Variants in CTNNA2 observed in about 807,000 individuals in gnomAD.
CTNNA2 encodes the protein catenin alpha-2.
Under a neutral mutation model 101.0 loss-of-function variants are expected in CTNNA2, and 42 were observed. That is an observed-to-expected ratio of 0.42 (90% CI 0.32 to 0.54). The LOEUF (loss-of-function observed/expected upper bound fraction) is 0.54. Among genes scored for constraint, CTNNA2 ranks in the 20% least tolerant of loss-of-function variants. The pLI, the probability that CTNNA2 is intolerant of heterozygous loss-of-function variation, is 0.14. For synonymous variants in CTNNA2, 450 were observed against 456.4 expected (o/e 0.99, Z 0.18); for missense variants, 871 against 1,223.1 (o/e 0.71, Z 4.29).
At chr2:80,328,813 AT>A (rs1333905920) in intron 7 of CTNNA2, among the ~76,000 whole-genome samples, 1 of 152,130 alleles carries the variant, frequency 6.6e-6, no homozygotes, top group African/African-American at 2.4e-5. Flanking sequence ...GATGGTATGT[AT>A]TTTTTTATTT....
At chr2:79,278,166 G>C (rs1389097938) in intron 2 of CTNNA2, among the ~76,000 whole-genome samples, 5 of 152,116 alleles carry the variant, frequency 3.3e-5, no homozygotes, top group East Asian at 1.9e-4. Flanking sequence ...CTGCAAAGCA[G>C]CTGGCGTGGA....
intron 9 of CTNNA2, among the ~76,000 whole-genome samples, chr2:80,491,682 G>A (rs1687074702): frequency 6.6e-6 from 1 of 152,056 alleles, no homozygotes; most frequent in Non-Finnish European, 1.5e-5. Context: ...AATTTGCCTG[G>A]GAGAGTTCTG....
At chr2:80,234,527 G>A (rs558468373) in intron 7 of CTNNA2, among the ~76,000 whole-genome samples, 78 of 152,274 alleles carry the variant, frequency 5.1e-4, no homozygotes, top group Non-Finnish European at 7.8e-4. Flanking sequence ...CAAAGGTAAA[G>A]CAGGGATCTT....
chr2:79,391,780 T>A (rs1479847070), intron 4 of CTNNA2, among the ~76,000 whole-genome samples: 2 of 152,180 alleles, frequency 1.3e-5, no homozygotes, highest in East Asian at 3.9e-4. Flanking sequence ...TTGCCAGGGC[T>A]GCCATACAAA....
chr2:79,774,738 C>A (rs1673838734), intron 3 of CTNNA2, among the ~76,000 whole-genome samples: 2 of 151,990 alleles, frequency 1.3e-5, no homozygotes, highest in Non-Finnish European at 2.9e-5. Context: ...TGAAATGAGC[C>A]CCCAAAAGCA....
chr2:80,633,508 G>C (rs1332544483), intron 18 of CTNNA2, among the ~76,000 whole-genome samples: 1 of 152,144 alleles, frequency 6.6e-6, no homozygotes, highest in Non-Finnish European at 1.5e-5. Flanking sequence ...CTTGTGAACA[G>C]TTAAAACACA....
intron 3 of CTNNA2, among the ~76,000 whole-genome samples, chr2:79,761,820 A>T (rs1429559622): frequency 6.6e-6 from 1 of 152,236 alleles, no homozygotes; most frequent in Non-Finnish European, 1.5e-5. Flanking sequence ...ATGATTAAAA[A>T]TATTGATCTG....
intron 2 of CTNNA2, among the ~76,000 whole-genome samples, chr2:79,264,190 A>T (rs1045420791): frequency 1.1e-4 from 16 of 152,120 alleles, no homozygotes; most frequent in African/African-American, 3.9e-4. Context: ...CCTGGTTTTA[A>T]AAGGCCTCCT....
At chr2:79,221,632 C>CT (rs1269657878) in intron 2 of CTNNA2, among the ~76,000 whole-genome samples, 1 of 151,560 alleles carries the variant, frequency 6.6e-6, no homozygotes, top group Non-Finnish European at 1.5e-5. Flanking sequence ...ACTGACAAGT[C>CT]TGTATTGTCT....
chr2:79,939,856 G>T (rs576216420), intron 7 of CTNNA2, among the ~76,000 whole-genome samples: 1 of 152,052 alleles, frequency 6.6e-6, no homozygotes, highest in Non-Finnish European at 1.5e-5. Flanking sequence ...ACTTTGGGAG[G>T]CCGAGGTGGG....
intron 2 of CTNNA2, among the ~76,000 whole-genome samples, chr2:79,292,546 C>G (rs778429338): frequency 2.0e-5 from 3 of 151,156 alleles, no homozygotes; most frequent in Non-Finnish European, 4.4e-5. Context: ...TTTAGAATTT[C>G]CATTTAATTT....
rs549504734 is a variant in CTNNA2, at chr2:79,189,857, G to A, written c.-524+4426G>A. ...AGAGACTTTTTAACAGATTTAGATC[G>A]CAAAGGTGCAAAGAAATATTTTACA... On this transcript the variant is annotated intron_variant, in intron 1 of 21. Transcript: ENST00000466387. Among the ~76,000 whole-genome samples, 61 of 152,208 alleles carry A rather than the reference G, an allele frequency of 4.0e-4. No individual in the cohort carries two copies. The South Asian group carries it at 4.4e-3, about 11-fold the overall frequency.
intron 7 of CTNNA2, among the ~76,000 whole-genome samples, chr2:79,989,675 A>G (rs1339650705): frequency 3.3e-5 from 5 of 152,154 alleles, no homozygotes; most frequent in African/African-American, 9.6e-5. Flanking sequence ...GAATTGGAGT[A>G]TTAGTGACTA....
intron 7 of CTNNA2, among the ~76,000 whole-genome samples, chr2:80,062,199 G>GA (rs895162108): frequency 7.2e-5 from 11 of 152,102 alleles, no homozygotes; most frequent in South Asian, 4.1e-4. Flanking sequence ...TTCTCAAAAA[G>GA]AAAAAAATGC....
At chr2:79,423,895 T>G (rs1291723044) in intron 4 of CTNNA2, among the ~76,000 whole-genome samples, 1 of 152,174 alleles carries the variant, frequency 6.6e-6, no homozygotes, top group Non-Finnish European at 1.5e-5. Flanking sequence ...AACTCTGTCT[T>G]TCCTACTTGG....
intron 9 of CTNNA2, 78 bp from the exon 10 acceptor site, chr2:80,544,904 G>T: frequency 8.2e-7 from 1 of 1,222,324 alleles, no homozygotes. Context: ...ACATCTGCCA[G>T]AGAAGGTCCA....
intron 2 of CTNNA2, among the ~76,000 whole-genome samples, chr2:79,293,737 G>T (rs867838951): frequency 3.9e-5 from 6 of 152,126 alleles, no homozygotes; most frequent in African/African-American, 1.4e-4. Context: ...ATTAGTGTGG[G>T]TGTCTTTGAA....
At chr2:79,409,931 G>T (rs1289625866) in intron 4 of CTNNA2, among the ~76,000 whole-genome samples, 1 of 151,992 alleles carries the variant, frequency 6.6e-6, no homozygotes, top group South Asian at 2.1e-4. Flanking sequence ...TCCTACCCAT[G>T]AGCATGGAAT....
intron 9 of CTNNA2, among the ~76,000 whole-genome samples, chr2:80,507,138 G>T (rs567136533): frequency 6.6e-6 from 1 of 152,102 alleles, no homozygotes; most frequent in Non-Finnish European, 1.5e-5. Flanking sequence ...TAACCATTTC[G>T]TTCCCTAGTC....
Sources: gnomAD v4.1 joint callset for allele counts (sites outside exome capture counted in the v4.1 genomes callset) on GRCh38, gnomAD v4.1.1 for gene constraint, MANE v1.5 for transcripts, NCBI Gene and HGNC (gene_info 2026-07-23, HGNC 2026-07-21) for gene names.